Variants in FSTL4 observed in about 807,000 individuals in gnomAD.
FSTL4 encodes the protein follistatin-related protein 4.
FSTL4 carries 28 observed loss-of-function variants against 78.2 expected under a neutral mutation model. The observed-to-expected ratio is 0.36, with a 90% CI of 0.27 to 0.49. The LOEUF (loss-of-function observed/expected upper bound fraction) is 0.49, where lower values mean the gene tolerates loss of function less well. Ranked by LOEUF, FSTL4 falls within the 20% of genes least tolerant of loss-of-function variation. The pLI, the probability that FSTL4 is intolerant of heterozygous loss-of-function variation, is 0.98. For synonymous variants in FSTL4, 422 were observed against 440.5 expected, an observed-to-expected ratio of 0.96 and a Z score of 0.53; for missense variants, 922 against 1,084.9, an observed-to-expected ratio of 0.85 and a Z score of 2.11.
chr5:133,515,869 A>T (rs115833944), intron 3 of FSTL4, among the ~76,000 whole-genome samples: 2,003 of 152,316 alleles, frequency 0.013, 46 homozygotes, highest in African/African-American at 0.045. Flanking sequence ...ACAATATTCA[A>T]CAATTCCGTA....
chr5:133,545,051 ACCTTATATCACAC>A (rs1288234607), intron 3 of FSTL4, among the ~76,000 whole-genome samples: 1 of 152,204 alleles, frequency 6.6e-6, no homozygotes, highest in African/African-American at 2.4e-5. Context: ...TATTTATCAC[ACCTTATATCACAC>A]CCTTATATCA....
intron 12 of FSTL4, among the ~76,000 whole-genome samples, chr5:133,219,534 A>G (rs1422939082): frequency 3.9e-5 from 6 of 152,222 alleles, no homozygotes; most frequent in Non-Finnish European, 8.8e-5. Flanking sequence ...GCCAGCAGAG[A>G]GGCCTGACGT....
chr5:133,221,891 GTTTTTTTTTTTTTTTTTTTTTTT>G lies in FSTL4; in HGVS notation c.1340-1048_1340-1026del, dbSNP rs59400068. Among the ~76,000 whole-genome samples the G allele has an allele frequency of 2.8e-3, 120 of 43,360 alleles. 2 individuals are homozygous for G. Among genetic ancestry groups the G allele is most frequent in the Non-Finnish European group, 5.8e-3 (97 of 16,682 alleles). The allele number at this position is 43,360 out of a possible 152,430, so 28.4% of individuals were successfully genotyped here. On this transcript the variant is annotated intron_variant, in intron 11 of 15. Coordinates refer to ENST00000265342, the MANE Select transcript of FSTL4 (RefSeq NM_015082.2). ...AATATGTAGAAAAATCTCTTTTCTA[GTTTTTTTTTTTTTTTTTTTTTTT>G]TTTTTTTTTTTTTAGCATGCTGAGA...
chr5:133,519,367 T>C (rs1290089319), intron 3 of FSTL4, among the ~76,000 whole-genome samples: 2 of 152,216 alleles, frequency 1.3e-5, no homozygotes, highest in African/African-American at 2.4e-5. Flanking sequence ...TGAACACCTC[T>C]CAGACAGGGA....
chr5:133,701,504 CA>C, the FSTL4 span, among the ~76,000 whole-genome samples: 18 of 133,430 alleles, frequency 1.3e-4, 1 homozygote, highest in Non-Finnish European at 4.8e-5. Flanking sequence ...CACACACACA[CA>C]CACACCCCAC....
chr5:133,661,436 A>G, the FSTL4 span, among the ~76,000 whole-genome samples: 1 of 152,238 alleles, frequency 6.6e-6, no homozygotes, highest in Non-Finnish European at 1.5e-5. Flanking sequence ...CCTGGCACAC[A>G]CTTAGCACAG....
At chr5:133,650,102 G>A in the FSTL4 span, among the ~76,000 whole-genome samples, 2 of 152,014 alleles carry the variant, frequency 1.3e-5, no homozygotes, top group Admixed American at 6.6e-5. Context: ...GAGAGAGTGG[G>A]GAAGTGCCAG....
chr5:133,364,794 C>T (rs939197778), intron 4 of FSTL4, among the ~76,000 whole-genome samples: 21 of 152,114 alleles, frequency 1.4e-4, no homozygotes, highest in Non-Finnish European at 1.6e-4. Flanking sequence ...CAAAGCCCAC[C>T]GAAATCTTTG....
chr5:133,377,973 G>T (rs1755478095), intron 4 of FSTL4, among the ~76,000 whole-genome samples: 1 of 151,994 alleles, frequency 6.6e-6, no homozygotes, highest in African/African-American at 2.4e-5. Context: ...AAAGAAGCCA[G>T]CAGACAGTGG....
At chr5:133,603,737 T>C (rs2112979649) in intron 2 of FSTL4, 121 bp downstream of exon 2, 1 of 1,152,304 alleles carries the variant, frequency 8.7e-7, no homozygotes, top group Non-Finnish European at 1.3e-6. Flanking sequence ...AAAAAGGAAG[T>C]GCAATTTTAA....
At chr5:133,220,524 G>T (rs1177113799) in intron 12 of FSTL4, among the ~76,000 whole-genome samples, 1 of 152,128 alleles carries the variant, frequency 6.6e-6, no homozygotes, top group African/African-American at 2.4e-5. Context: ...TACCACCTGG[G>T]CCTCACCTGA....
At chr5:133,299,799 T>TG (rs1226065537) in intron 6 of FSTL4, among the ~76,000 whole-genome samples, 1 of 151,982 alleles carries the variant, frequency 6.6e-6, no homozygotes. Context: ...GCTCTGTGAT[T>TG]GGGGGGCTGG....
the FSTL4 span, among the ~76,000 whole-genome samples, chr5:133,647,527 G>T: frequency 5.8e-4 from 89 of 152,244 alleles, no homozygotes; most frequent in African/African-American, 2.1e-3. Context: ...TCCTAGATAA[G>T]ACCCTTTCTG....
At chr5:133,543,539 G>T (rs1018631743) in intron 3 of FSTL4, among the ~76,000 whole-genome samples, 4 of 152,054 alleles carry the variant, frequency 2.6e-5, no homozygotes, top group African/African-American at 9.7e-5. Flanking sequence ...TTACTTAGTG[G>T]TCCTCTTACT....
chr5:133,316,070 T>C (rs1452098326), intron 5 of FSTL4, among the ~76,000 whole-genome samples: 1 of 152,222 alleles, frequency 6.6e-6, no homozygotes, highest in Non-Finnish European at 1.5e-5. Context: ...GATCTTTGGA[T>C]ACTAAGGAGC....
intron 6 of FSTL4, among the ~76,000 whole-genome samples, chr5:133,309,587 TAG>T (rs2126885443): frequency 6.6e-6 from 1 of 152,172 alleles, no homozygotes; most frequent in African/African-American, 2.4e-5. Context: ...GTGGGACTCC[TAG>T]CATCACCCTC....
At chr5:133,260,762 G>T (rs990913786) in intron 6 of FSTL4, among the ~76,000 whole-genome samples, 1 of 152,206 alleles carries the variant, frequency 6.6e-6, no homozygotes, top group African/African-American at 2.4e-5. Context: ...AGGGAGCTCA[G>T]CTGAGCCCAA....
At chr5:133,349,145 G>C (rs1754762493) in intron 4 of FSTL4, among the ~76,000 whole-genome samples, 1 of 152,194 alleles carries the variant, frequency 6.6e-6, no homozygotes, top group African/African-American at 2.4e-5. Context: ...TCTTTGCAGA[G>C]GGAAGGCTGG....
At chr5:133,806,121 T>C in the FSTL4 span, among the ~76,000 whole-genome samples, 1 of 152,234 alleles carries the variant, frequency 6.6e-6, no homozygotes, top group Non-Finnish European at 1.5e-5. Flanking sequence ...ATTTATTTTT[T>C]GAGTCATGTA....
Sources: gnomAD v4.1 joint callset for allele counts (sites outside exome capture counted in the v4.1 genomes callset) on GRCh38, gnomAD v4.1.1 for gene constraint, MANE v1.5 for transcripts, NCBI Gene and HGNC (gene_info 2026-07-23, HGNC 2026-07-21) for gene names.